The following SEC24B variants were observed in gnomAD, a reference collection of about 807,000 sequenced individuals.
SEC24B encodes protein transport protein Sec24B.
SEC24B carries 45 observed loss-of-function variants against 142.8 expected under a neutral mutation model. That is an observed-to-expected ratio of 0.32 (90% confidence interval 0.25 to 0.40). SEC24B has a LOEUF of 0.40. Among genes scored for constraint, SEC24B ranks in the 10% least tolerant of loss-of-function variants. The pLI is 1.00. For synonymous variants in SEC24B, 574 were observed against 568.2 expected (o/e 1.01, Z -0.15); for missense variants, 1,409 against 1,526.8 (o/e 0.92, Z 1.29).
At chr4:109,434,656 C>CT (rs1728226562) in intron 1 of SEC24B, among the ~76,000 whole-genome samples, 1 of 152,224 alleles carries the variant, frequency 6.6e-6, no homozygotes, top group African/African-American at 2.4e-5. Flanking sequence ...GCTGCGGCTG[C>CT]TGCTCAAGCT....
chr4:109,498,362 C>G (rs933822732), intron 6 of SEC24B, among the ~76,000 whole-genome samples: 2 of 152,026 alleles, frequency 1.3e-5, no homozygotes, highest in African/African-American at 4.8e-5. Context: ...TTAAAAGAAG[C>G]CTTTTTTTAT....
At chr4:109,524,699 G>T in intron 14 of SEC24B, 119 bp from the exon 15 acceptor site, 1 of 805,120 alleles carries the variant, frequency 1.2e-6, no homozygotes, top group Non-Finnish European at 1.9e-6. Context: ...CAAATGCCTA[G>T]ACATTTAGAA....
intron 11 of SEC24B, among the ~76,000 whole-genome samples, chr4:109,517,427 G>GAGTA (rs1219098258): frequency 1.3e-5 from 2 of 152,176 alleles, no homozygotes; most frequent in Non-Finnish European, 2.9e-5. Flanking sequence ...TAAAAGTAGA[G>GAGTA]AGTACAGTGG....
At chr4:109,514,735 G>A (rs536895381) in intron 10 of SEC24B, among the ~76,000 whole-genome samples, 2 of 152,232 alleles carry the variant, frequency 1.3e-5, no homozygotes, top group African/African-American at 2.4e-5. Context: ...TATATCTTCT[G>A]TAGCTACAAC....
chr4:109,516,901 A>G (rs1722992304), intron 11 of SEC24B, among the ~76,000 whole-genome samples: 1 of 152,176 alleles, frequency 6.6e-6, no homozygotes, highest in South Asian at 2.1e-4. Flanking sequence ...AGCCAATCTG[A>G]ACACAGGGGC....
intron 8 of SEC24B, among the ~76,000 whole-genome samples, chr4:109,511,094 C>T (rs1737271332): frequency 6.6e-6 from 1 of 151,622 alleles, no homozygotes; most frequent in Non-Finnish European, 1.5e-5. Flanking sequence ...TAAACCAAGA[C>T]AGTTAATTTC....
At position 109,530,363 on chromosome 4, in the gene SEC24B, T is replaced by C. The variant is rs763390323; in HGVS notation, c.3151T>C (p.Ser1051Pro). Reference sequence around the variant, plus strand: ...AGTGAATGCTGTAGTGGACTCATTGTCTGCATATGGCTCAACTGTCTCAAA... The same window carrying C: ...AGTGAATGCTGTAGTGGACTCATTGCCTGCATATGGCTCAACTGTCTCAAA... ...ALVNAVVDSL[S>P]AYGSTVSNLQ... The change falls in exon 19 of 24, where the codon TCT (serine) becomes CCT (proline). Residue 1051 changes from serine (S) to proline (P), a missense_variant. Ser to Pro is a moderately conservative substitution (Grantham distance 74). This residue lies in a region of SEC24B where 700 missense variants were observed against 853.3 expected (regional missense o/e 0.82). Transcript: ENST00000265175. 1 of 1,614,192 alleles carries C rather than the reference T, an allele frequency of 6.2e-7. No homozygotes were observed. Among genetic ancestry groups the C allele is most frequent in the Non-Finnish European group, 8.5e-7 (1 of 1,180,018 alleles).
chr4:109,520,650 A>G (rs912471334), intron 12 of SEC24B, among the ~76,000 whole-genome samples, 166 bp downstream of exon 12: 2 of 152,234 alleles, frequency 1.3e-5, no homozygotes, highest in African/African-American at 4.8e-5. Context: ...AGTTATGCCT[A>G]TGTATTACAC....
intron 1 of SEC24B, among the ~76,000 whole-genome samples, chr4:109,435,319 A>ACATTTT (rs1561049687): frequency 6.6e-6 from 1 of 152,196 alleles, no homozygotes; most frequent in Non-Finnish European, 1.5e-5. Context: ...ACCTGTTCTG[A>ACATTTT]ACAAATGTAA....
intron 4 of SEC24B, 39 bp downstream of exon 4, chr4:109,481,820 G>C (rs371383602): frequency 1.3e-6 from 2 of 1,490,958 alleles, no homozygotes; most frequent in Non-Finnish European, 1.9e-6. Context: ...ATCTTTTCCT[G>C]CTCAAGTTTT....
At position 109,463,511 on chromosome 4, in the gene SEC24B, C is replaced by T. The variant is rs760746923; in HGVS notation, c.744C>T (p.His248=). ...SPLPPLPSQQ[H]HQQQSLSGYS... ...TTCCACCTCTACCATCACAACAGCACCACCAGCAGCAAAGTCTTTCAGGAT... is the reference window on the plus strand; with the variant it reads ...TTCCACCTCTACCATCACAACAGCATCACCAGCAGCAAAGTCTTTCAGGAT... Residue 248 remains histidine, a synonymous_variant, in exon 2 of 24, where the codon CAC becomes CAT. Transcript: ENST00000265175. 6 of 1,614,040 alleles carry T rather than the reference C, an allele frequency of 3.7e-6. No homozygotes were observed. Among genetic ancestry groups the T allele is most frequent in the South Asian group, 2.2e-5 (2 of 91,084 alleles).
intron 1 of SEC24B, among the ~76,000 whole-genome samples, chr4:109,444,037 A>G (rs560702851): frequency 6.6e-6 from 1 of 152,098 alleles, no homozygotes; most frequent in African/African-American, 2.4e-5. Flanking sequence ...AGCCTGGCCA[A>G]CGTGGTAAAA....
intron 2 of SEC24B, among the ~76,000 whole-genome samples, chr4:109,470,489 TC>T (rs1561098682): frequency 6.6e-6 from 1 of 152,178 alleles, no homozygotes; most frequent in Non-Finnish European, 1.5e-5. Context: ...AAGAGACTAG[TC>T]TGCTTTCTAG....
rs70949077 is a variant in SEC24B, at chr4:109,439,474, A to ATTTTTTTTTTTTTTTT, written c.133+5502_133+5517dup. ...GAATACATAATTTCCTCCTAAGCTGATTTTTTTTTTTTTTTTTTTTTTTTT... is the reference window on the plus strand; with the variant it reads ...GAATACATAATTTCCTCCTAAGCTGATTTTTTTTTTTTTTTTTTTTTTTTTTTTTTTTTTTTTTTTT... On this transcript the variant is annotated intron_variant, in intron 1 of 23. Coordinates refer to ENST00000265175, the MANE Select transcript of SEC24B (RefSeq NM_006323.5). Among the ~76,000 whole-genome samples the ATTTTTTTTTTTTTTTT allele has an allele frequency of 9.1e-5, 4 of 43,996 alleles. 1 individual carries two copies. The highest frequency in any genetic ancestry group is 8.0e-5 in the Non-Finnish European group (2 of 25,150). 28.9% of individuals were successfully genotyped at this position (43,996 alleles called of 152,430 possible).
rs765584045 is a variant in SEC24B at position 109,520,483 on chromosome 4, T to C, written c.2244T>C (p.Asp748=). The change falls in exon 12 of 24, where the codon GAT becomes GAC. Residue 748 remains aspartate, a splice_region_variant and synonymous_variant. Coordinates refer to ENST00000265175, the MANE Select transcript of SEC24B (RefSeq NM_006323.5). ...AAATGTTGATTGTGTCTGATATAGATGGTAAGCAGTCAGTAAAATAAAAGC... is the reference window on the plus strand; with the variant it reads ...AAATGTTGATTGTGTCTGATATAGACGGTAAGCAGTCAGTAAAATAAAAGC... ...QPQMLIVSDI[D]DVFLPTPDSL... 1 of 1,555,924 alleles carries C rather than the reference T, an allele frequency of 6.4e-7. No individual in the cohort carries two copies. The highest frequency in any genetic ancestry group is 8.8e-7 in the Non-Finnish European group (1 of 1,130,154).
chr4:109,520,015 T>C (rs1208356449), intron 11 of SEC24B, among the ~76,000 whole-genome samples: 1 of 152,218 alleles, frequency 6.6e-6, no homozygotes, highest in Non-Finnish European at 1.5e-5. Context: ...AAAAGATTAA[T>C]GATAGATAAA....
At chr4:109,514,900 A>C (rs1737765915) in intron 10 of SEC24B, among the ~76,000 whole-genome samples, 1 of 151,950 alleles carries the variant, frequency 6.6e-6, no homozygotes, top group African/African-American at 2.4e-5. Flanking sequence ...TACCATTTTC[A>C]TGTTTGTTTC....
chr4:109,453,439 GGCCCCCC>G (rs1002458162), intron 1 of SEC24B, among the ~76,000 whole-genome samples: 5 of 10,190 alleles, frequency 4.9e-4, no homozygotes, highest in African/African-American at 1.4e-3. Flanking sequence ...GGCCATTTTA[GGCCCCCC>G]CCCCCCCCCC....
intron 3 of SEC24B, among the ~76,000 whole-genome samples, chr4:109,475,206 A>G (rs921223714): frequency 2.6e-5 from 4 of 152,148 alleles, no homozygotes; most frequent in Non-Finnish European, 2.9e-5. Flanking sequence ...TGTAGTTTTT[A>G]TTGTTCCTTT....
Sources: allele counts gnomAD v4.1 joint callset (sites outside exome capture counted in the v4.1 genomes callset), GRCh38; gene constraint gnomAD v4.1.1; regional missense constraint gnomAD v4.1.1; transcripts MANE v1.5; gene names NCBI Gene and HGNC (gene_info 2026-07-23, HGNC 2026-07-21).